Variants in BRI3 observed in about 807,000 individuals in gnomAD.
BRI3 encodes the protein brain protein I3, also known as membrane protein BRI3.
In BRI3, 6 loss-of-function variants were observed where a neutral mutation model predicts 12.8. The ratio of observed to expected loss-of-function variants is 0.47; its 90% CI spans 0.26 to 0.93. The LOEUF is 0.93. BRI3 is among the 40% of genes least tolerant of loss of function. The pLI, the probability that BRI3 is intolerant of heterozygous loss-of-function variation, is 0.15. For synonymous variants in BRI3, 91 were observed against 76.1 expected (o/e 1.20, Z -1.02); for missense variants, 134 against 171.1 (o/e 0.78, Z 1.21).
intron 2 of BRI3, among the ~76,000 whole-genome samples, chr7:98,286,601 C>T (rs1562957320): frequency 6.6e-6 from 1 of 152,126 alleles, no homozygotes; most frequent in South Asian, 2.1e-4. Context: ...GCAGGTGTTC[C>T]GGGGCAGGGG....
At chr7:98,294,475 G>A (rs1338109559), downstream of BRI3, among the ~76,000 whole-genome samples, 201 of 152,224 alleles carry the variant, frequency 1.3e-3, 5 homozygotes, top group Admixed American at 0.013. Flanking sequence ...ACAGAGCATG[G>A]CACTGCCTGC....
At chr7:98,285,908 C>A (rs938560340) in intron 2 of BRI3, among the ~76,000 whole-genome samples, 1 of 152,136 alleles carries the variant, frequency 6.6e-6, no homozygotes, top group Admixed American at 6.5e-5. Flanking sequence ...CTGAGGAAGC[C>A]CTGCGTCTCC....
At chr7:98,297,528 G>A (rs189723178), downstream of BRI3, among the ~76,000 whole-genome samples, 49 of 152,290 alleles carry the variant, frequency 3.2e-4, no homozygotes, top group East Asian at 1.7e-3. Flanking sequence ...CAAGCCAGCT[G>A]GAGGCCAGTT....
chr7:98,294,872 C>T (rs541365699), downstream of BRI3, among the ~76,000 whole-genome samples: 4 of 152,310 alleles, frequency 2.6e-5, no homozygotes, highest in South Asian at 2.1e-4. Context: ...CAACTCCTTC[C>T]AGCACCTGCC....
At chr7:98,296,222 T>C (rs6975156), downstream of BRI3, among the ~76,000 whole-genome samples, 62,094 of 152,178 alleles carry the variant, frequency 0.41, 13,666 homozygotes, top group Middle Eastern at 0.52. Flanking sequence ...TGGGCCATGC[T>C]GGGTGATCGT....
intron 2 of BRI3, 52 bp downstream of exon 2, chr7:98,282,505 G>A (rs747828658): frequency 1.0e-5 from 15 of 1,471,142 alleles, no homozygotes; most frequent in Non-Finnish European, 1.3e-5. Context: ...GAGGACCCCC[G>A]CCCTAACCCC....
chr7:98,306,299 G>A (rs1800653847), upstream of BRI3: 1 of 1,016,714 alleles, frequency 9.8e-7, no homozygotes, highest in Non-Finnish European at 1.5e-6. Context: ...AGCACTGTGA[G>A]CCGCGGTCTC....
the BRI3 span, among the ~76,000 whole-genome samples, chr7:98,316,072 T>A: frequency 7.9e-5 from 12 of 152,154 alleles, no homozygotes; most frequent in African/African-American, 2.9e-4. Flanking sequence ...AATTGAATCA[T>A]GGGGGCAGGT....
intron 2 of BRI3, among the ~76,000 whole-genome samples, chr7:98,285,105 G>T (rs1255065379): frequency 6.6e-6 from 1 of 152,164 alleles, no homozygotes; most frequent in African/African-American, 2.4e-5. Context: ...CTGTCACTGG[G>T]TATTTAGTTT....
At chr7:98,319,962 G>T in the BRI3 span, 3 of 968,290 alleles carry the variant, frequency 3.1e-6, no homozygotes, top group Non-Finnish European at 4.8e-6. Context: ...CTTCTCTCCT[G>T]TCTGCTGCTG....
upstream of BRI3, among the ~76,000 whole-genome samples, chr7:98,305,137 C>T (rs1210450185): frequency 3.4e-5 from 5 of 149,104 alleles, no homozygotes; most frequent in South Asian, 2.1e-4. Flanking sequence ...GTGATCTGCC[C>T]GCCTCGGCCT....
At chr7:98,304,701 G>A (rs1800568940), upstream of BRI3, among the ~76,000 whole-genome samples, 2 of 151,686 alleles carry the variant, frequency 1.3e-5, no homozygotes, top group African/African-American at 4.8e-5. Flanking sequence ...GTGCACGCCA[G>A]TGTGCCCAGC....
At chr7:98,318,128 A>G in the BRI3 span, among the ~76,000 whole-genome samples, 2 of 152,188 alleles carry the variant, frequency 1.3e-5, no homozygotes, top group African/African-American at 2.4e-5. Flanking sequence ...CTCAGTTCAC[A>G]TTGCCCCCTT....
intron 2 of BRI3, 93 bp from the exon 3 acceptor site, chr7:98,291,018 C>G (rs1799923996): frequency 1.4e-6 from 2 of 1,449,876 alleles, no homozygotes; most frequent in Admixed American, 3.5e-5. Flanking sequence ...CTCATGGCCA[C>G]TGGTTGGTTA....
chr7:98,312,047 C>A, downstream of BRI3: 1 of 1,530,236 alleles, frequency 6.5e-7, no homozygotes, highest in Admixed American at 2.1e-5. Context: ...TGGCCCAGAT[C>A]AAGTTAGGAA....
downstream of BRI3, chr7:98,310,661 C>CTT: frequency 8.0e-7 from 1 of 1,252,862 alleles, no homozygotes; most frequent in South Asian, 1.8e-5. Flanking sequence ...ATTCCCAAGG[C>CTT]TGTTTTTTTT....
chr7:98,298,205 G>C (rs1408879142), intron 1 of BRI3, among the ~76,000 whole-genome samples: 1 of 152,230 alleles, frequency 6.6e-6, no homozygotes, highest in African/African-American at 2.4e-5. Flanking sequence ...GACAGCTGTG[G>C]GGCTTCCCAG....
At chr7:98,312,034 A>T, downstream of BRI3, 1 of 1,504,110 alleles carries the variant, frequency 6.6e-7, no homozygotes, top group Admixed American at 2.1e-5. Flanking sequence ...ACACAGGCAA[A>T]TTTGGCCCAG....
At chr7:98,302,460 G>A (rs1584423902), upstream of BRI3, among the ~76,000 whole-genome samples, 1 of 152,154 alleles carries the variant, frequency 6.6e-6, no homozygotes, top group South Asian at 2.1e-4. Flanking sequence ...AGAGATGGAC[G>A]TCCACACGTG....
Sources: gnomAD v4.1 joint callset for allele counts (sites outside exome capture counted in the v4.1 genomes callset) on GRCh38, gnomAD v4.1.1 for gene constraint, MANE v1.5 for transcripts, NCBI Gene and HGNC (gene_info 2026-07-23, HGNC 2026-07-21) for gene names.